Variants in NAALADL2 observed in about 807,000 individuals in gnomAD.
The protein encoded by NAALADL2 is inactive N-acetylated-alpha-linked acidic dipeptidase-like protein 2.
A neutral mutation model predicts 87.2 loss-of-function variants in NAALADL2; 76 were observed. The observed-to-expected ratio is 0.87, with a 90% confidence interval of 0.72 to 1.05. NAALADL2 has a LOEUF of 1.05. Ranked by LOEUF, NAALADL2 falls within the 50% of genes least tolerant of loss-of-function variation. The probability of loss-of-function intolerance (pLI) is 0.00; values close to 1 mark genes in which losing one functional copy is unlikely to be tolerated. For missense variants in NAALADL2, 1,089 were observed against 945.8 expected, an observed-to-expected ratio of 1.15 and a Z score of -1.99; for synonymous variants, 354 against 331.0, an observed-to-expected ratio of 1.07 and a Z score of -0.75.
chr3:174,914,640 A>G (rs552899638), intron 1 of NAALADL2, among the ~76,000 whole-genome samples: 1 of 152,310 alleles, frequency 6.6e-6, no homozygotes, highest in South Asian at 2.1e-4. Context: ...ATAAATGTAC[A>G]TTTTCTCAAT....
chr3:175,048,771 G>T (rs958597823), intron 1 of NAALADL2, among the ~76,000 whole-genome samples: 4 of 151,844 alleles, frequency 2.6e-5, no homozygotes, highest in Non-Finnish European at 5.9e-5. Context: ...CAGTTCTTTG[G>T]CAACTGTAAC....
At chr3:174,928,034 T>C (rs1736340161) in intron 1 of NAALADL2, among the ~76,000 whole-genome samples, 1 of 152,198 alleles carries the variant, frequency 6.6e-6, no homozygotes, top group Non-Finnish European at 1.5e-5. Flanking sequence ...TATTTTTCTT[T>C]ATGTATATTT....
chr3:174,816,871 C>A (rs1479291328), intron 3 of NAALADL2, among the ~76,000 whole-genome samples: 1 of 152,238 alleles, frequency 6.6e-6, no homozygotes, highest in East Asian at 1.9e-4. Flanking sequence ...ATTAGGAGTG[C>A]ATTAGTGTGC....
intron 5 of NAALADL2, among the ~76,000 whole-genome samples, chr3:175,340,025 G>C (rs955939684): frequency 8.5e-5 from 13 of 152,052 alleles, no homozygotes; most frequent in African/African-American, 3.1e-4. Flanking sequence ...AGAGTTTCAT[G>C]GGTGTGGCAT....
Position 175,342,447 on chromosome 3 carries a change from A to T in NAALADL2, c.1090+18122A>T, listed in dbSNP as rs2148842874. Among the ~76,000 whole-genome samples, 4 of 151,992 alleles carry T rather than the reference A, an allele frequency of 2.6e-5. 2 individuals are homozygous for T. In the Middle Eastern group the frequency reaches 0.014, roughly 517 times the overall value. ...AGTGAGCATTATTAAAGTTGATGACAATCCTTGTTGTTTCAGTGTTAAGCT... is the reference window on the plus strand; with the variant it reads ...AGTGAGCATTATTAAAGTTGATGACTATCCTTGTTGTTTCAGTGTTAAGCT... On this transcript the variant is annotated intron_variant, in intron 5 of 13. Transcript: ENST00000454872.
intron 11 of NAALADL2, 40 bp from the exon 12 acceptor site, chr3:175,737,266 T>A: frequency 8.7e-7 from 1 of 1,155,708 alleles, no homozygotes; most frequent in Non-Finnish European, 1.3e-6. Flanking sequence ...AACTCCTAAT[T>A]ACTGAATGCT....
chr3:174,613,543 G>A (rs1720150987), intron 2 of NAALADL2, among the ~76,000 whole-genome samples: 1 of 152,202 alleles, frequency 6.6e-6, no homozygotes, highest in African/African-American at 2.4e-5. Context: ...AGAAAGAGAA[G>A]CCTCACCCCA....
chr3:174,833,722 T>C (rs1723002483), intron 3 of NAALADL2, among the ~76,000 whole-genome samples: 1 of 152,104 alleles, frequency 6.6e-6, no homozygotes, highest in Admixed American at 6.5e-5. Flanking sequence ...AAGCAGGATT[T>C]ATTCCCAAAT....
In NAALADL2 at chr3:175,290,164, A is replaced by G. The variant is rs73045301; in HGVS notation, c.939+33634A>G. ...AACAGTTTGGCAATTTTAAAAGTAA[A>G]CCTACTGTATAACCTATAATTTCTA... On this transcript the variant is annotated intron_variant, in intron 4 of 13. Coordinates refer to ENST00000454872, the MANE Select transcript of NAALADL2 (RefSeq NM_207015.3). Among the ~76,000 whole-genome samples the G allele has an allele frequency of 6.9e-3, 1,050 of 152,306 alleles. 18 individuals are homozygous for G. Among genetic ancestry groups the G allele is most frequent in the African/African-American group, 0.024 (1,001 of 41,572 alleles).
intron 11 of NAALADL2, chr3:175,655,627 C>T (rs143053018): frequency 4.5e-5 from 8 of 178,940 alleles, no homozygotes; most frequent in Admixed American, 1.2e-4. Flanking sequence ...GTTACCCCAA[C>T]GATATGTAGC....
At position 175,421,633 on chromosome 3, in the gene NAALADL2, A is replaced by G. The variant is rs181953279; in HGVS notation, c.1091-25596A>G. On this transcript the variant is annotated intron_variant, in intron 5 of 13. Coordinates refer to ENST00000454872, the MANE Select transcript of NAALADL2 (RefSeq NM_207015.3). Reference sequence around the variant, plus strand: ...ATTAAAATACAGATTGCAAGCAAACATTCAAAGTAACTTTGGGATAGCCAT... The same window carrying G: ...ATTAAAATACAGATTGCAAGCAAACGTTCAAAGTAACTTTGGGATAGCCAT... Among the ~76,000 whole-genome samples the G allele has an allele frequency of 7.2e-5, 11 of 152,272 alleles. No homozygotes were observed. The East Asian group carries it at 2.1e-3, about 29-fold the overall frequency.
intron 1 of NAALADL2, among the ~76,000 whole-genome samples, chr3:174,939,949 A>G (rs1738311086): frequency 6.6e-6 from 1 of 152,122 alleles, no homozygotes; most frequent in African/African-American, 2.4e-5. Context: ...TGTAATCTGC[A>G]AATAGAAATA....
intron 11 of NAALADL2, among the ~76,000 whole-genome samples, chr3:175,659,149 G>A (rs1371182443): frequency 6.6e-6 from 1 of 152,094 alleles, no homozygotes; most frequent in Non-Finnish European, 1.5e-5. Flanking sequence ...GGATTTTTGT[G>A]AAAATCATAT....
In NAALADL2 at chr3:175,398,350, T is replaced by TTTG. The variant is rs1560489390; in HGVS notation, c.1091-48877_1091-48876insGTT. Among the ~76,000 whole-genome samples, 201 of 131,574 alleles carry TTTG rather than the reference T, an allele frequency of 1.5e-3. 1 individual carries two copies. Among genetic ancestry groups the TTTG allele is most frequent in the African/African-American group, 5.0e-3 (194 of 38,518 alleles). The allele number at this position is 131,574 out of a possible 152,430, so 86.3% of individuals were successfully genotyped here. On this transcript the variant is annotated intron_variant, in intron 5 of 13. Transcript: ENST00000454872. ...ATTAGTGATGCTTCTGCTACTTTTT[T>TTTG]TTTTTTTTTTTTTTTTCCATCCTTT... is the stretch of plus-strand genomic sequence containing the variant.
intron 13 of NAALADL2, among the ~76,000 whole-genome samples, chr3:175,778,464 C>A (rs1443723340): frequency 6.6e-6 from 1 of 152,128 alleles, no homozygotes; most frequent in Non-Finnish European, 1.5e-5. Context: ...TGGAAAAACT[C>A]TTTCCTGGGC....
At chr3:175,589,032 A>G (rs1356936795) in intron 10 of NAALADL2, among the ~76,000 whole-genome samples, 1 of 152,206 alleles carries the variant, frequency 6.6e-6, no homozygotes, top group Admixed American at 6.5e-5. Context: ...AGGCAAAGAA[A>G]CATATTTAGA....
intron 1 of NAALADL2, among the ~76,000 whole-genome samples, chr3:174,895,635 C>T (rs868533613): frequency 6.6e-6 from 1 of 152,174 alleles, no homozygotes; most frequent in African/African-American, 2.4e-5. Flanking sequence ...ACTCAAACTA[C>T]ACTCAAGAAG....
intron 1 of NAALADL2, among the ~76,000 whole-genome samples, chr3:175,091,806 A>G (rs1720186948): frequency 6.6e-6 from 1 of 152,054 alleles, no homozygotes; most frequent in Non-Finnish European, 1.5e-5. Flanking sequence ...TGAATTTTAT[A>G]TAAATGTTAG....
intron 5 of NAALADL2, among the ~76,000 whole-genome samples, chr3:175,355,789 G>T (rs773098717): frequency 1.3e-5 from 2 of 152,120 alleles, no homozygotes; most frequent in African/African-American, 2.4e-5. Flanking sequence ...AGCTGTTATT[G>T]TTGTCATCAC....
Sources: gnomAD v4.1 joint callset for allele counts (sites outside exome capture counted in the v4.1 genomes callset) on GRCh38, gnomAD v4.1.1 for gene constraint, MANE v1.5 for transcripts, NCBI Gene and HGNC (gene_info 2026-07-23, HGNC 2026-07-21) for gene names.